The following HDAC9 variants were observed in gnomAD, a reference collection of about 807,000 sequenced individuals.
The protein encoded by HDAC9 is histone deacetylase 9.
A neutral mutation model predicts 139.4 loss-of-function variants in HDAC9; 41 were observed. The observed-to-expected ratio is 0.29, with a 90% CI of 0.23 to 0.38. The LOEUF (loss-of-function observed/expected upper bound fraction) is 0.38. HDAC9 is among the 10% of genes least tolerant of loss of function. HDAC9 has a pLI of 1.00. For synonymous variants in HDAC9, 517 were observed against 476.2 expected, an observed-to-expected ratio of 1.09 and a Z score of -1.12; for missense variants, 1,147 against 1,297.0, an observed-to-expected ratio of 0.88 and a Z score of 1.78.
At chr7:18,238,872 G>C (rs549506764) in intron 2 of HDAC9, among the ~76,000 whole-genome samples, 3 of 152,306 alleles carry the variant, frequency 2.0e-5, no homozygotes, top group East Asian at 3.9e-4. Context: ...ATCTATTAGG[G>C]AGGTGTGGAA....
Position 18,742,665 on chromosome 7 carries a change from T to TC in HDAC9, c.1910-6339dup, listed in dbSNP as rs148606035. 2.9e-3 allele frequency among the ~76,000 whole-genome samples: 438 copies of TC among 152,304 alleles called. 4 individuals carry two copies. Among genetic ancestry groups the TC allele is most frequent in the African/African-American group, 1.0e-2 (414 of 41,578 alleles). Reference sequence around the variant, plus strand: ...ACTTTTTATTTGGTTATTTTTTTTTTCTGACCACTGTATTTTCATCTTATT... The same window carrying TC: ...ACTTTTTATTTGGTTATTTTTTTTTTCCTGACCACTGTATTTTCATCTTATT... On this transcript the variant is annotated intron_variant, in intron 13 of 25. Transcript: ENST00000686413.
At chr7:18,656,051 T>TTA (rs1361900419) in intron 11 of HDAC9, among the ~76,000 whole-genome samples, 1 of 151,910 alleles carries the variant, frequency 6.6e-6, no homozygotes, top group African/African-American at 2.4e-5. Flanking sequence ...CAGTCTCTTT[T>TTA]TTTTTTTTTT....
intron 14 of HDAC9, among the ~76,000 whole-genome samples, chr7:18,755,958 A>G (rs977440709): frequency 6.6e-6 from 1 of 152,154 alleles, no homozygotes; most frequent in Non-Finnish European, 1.5e-5. Context: ...AGTGTTGGTC[A>G]GTACAGTGTC....
At chr7:18,131,660 T>C (rs917022531) in intron 1 of HDAC9, among the ~76,000 whole-genome samples, 1 of 152,114 alleles carries the variant, frequency 6.6e-6, no homozygotes, top group African/African-American at 2.4e-5. Flanking sequence ...TTGGTCATTG[T>C]CACTACTCCC....
intron 2 of HDAC9, among the ~76,000 whole-genome samples, chr7:18,260,010 C>T (rs1273125004): frequency 6.6e-6 from 1 of 152,224 alleles, no homozygotes; most frequent in South Asian, 2.1e-4. Flanking sequence ...TAGTATGAGC[C>T]TTTTAGAGAG....
At chr7:18,408,862 T>C (rs183053645) in intron 1 of HDAC9, among the ~76,000 whole-genome samples, 44 of 152,250 alleles carry the variant, frequency 2.9e-4, no homozygotes, top group African/African-American at 9.1e-4. Context: ...ATGCAACAAA[T>C]GACACAGATC....
intron 1 of HDAC9, among the ~76,000 whole-genome samples, chr7:18,371,783 A>G (rs1179137935): frequency 6.6e-6 from 1 of 152,130 alleles, no homozygotes; most frequent in African/African-American, 2.4e-5. Flanking sequence ...ATTTCCACTG[A>G]TATGATGCTG....
chr7:18,195,541 T>A (rs1790664920), intron 2 of HDAC9, among the ~76,000 whole-genome samples: 1 of 152,194 alleles, frequency 6.6e-6, no homozygotes, highest in South Asian at 2.1e-4. Flanking sequence ...GAAAAATCTT[T>A]TGTTCTTTAG....
At chr7:18,754,405 A>G (rs767933508) in intron 14 of HDAC9, among the ~76,000 whole-genome samples, 25 of 152,048 alleles carry the variant, frequency 1.6e-4, no homozygotes, top group Non-Finnish European at 3.4e-4. Context: ...TCTGTTAGAA[A>G]TGCACTTGCA....
intron 2 of HDAC9, among the ~76,000 whole-genome samples, chr7:18,537,715 G>A (rs1367692985): frequency 6.6e-6 from 1 of 152,090 alleles, no homozygotes; most frequent in Non-Finnish European, 1.5e-5. Flanking sequence ...GTATATGGAG[G>A]GAATACTGGT....
At chr7:18,453,413 A>C (rs1793063755) in intron 1 of HDAC9, among the ~76,000 whole-genome samples, 1 of 152,216 alleles carries the variant, frequency 6.6e-6, no homozygotes, top group Non-Finnish European at 1.5e-5. Context: ...CAAGCACATA[A>C]TAGCCTAAGA....
intron 2 of HDAC9, among the ~76,000 whole-genome samples, chr7:18,540,998 G>A (rs1812640911): frequency 6.6e-6 from 1 of 152,102 alleles, no homozygotes; most frequent in Admixed American, 6.5e-5. Context: ...CAGCCAGTAA[G>A]TAAGAAAGCC....
At chr7:18,338,657 C>G (rs1781765837) in intron 1 of HDAC9, among the ~76,000 whole-genome samples, 1 of 151,380 alleles carries the variant, frequency 6.6e-6, no homozygotes. Context: ...CCTACTTGGT[C>G]AAGGTATATA....
intron 1 of HDAC9, among the ~76,000 whole-genome samples, chr7:18,137,045 T>C (rs1785474671): frequency 7.0e-6 from 1 of 142,992 alleles, no homozygotes; most frequent in East Asian, 2.0e-4. Flanking sequence ...GATTCCTAGG[T>C]ATTTTATTCT....
intron 1 of HDAC9, among the ~76,000 whole-genome samples, chr7:18,118,321 A>G (rs747332239): frequency 3.9e-5 from 6 of 152,208 alleles, no homozygotes; most frequent in Non-Finnish European, 7.3e-5. Flanking sequence ...GAAATATAGC[A>G]GATCCCTAAC....
intron 1 of HDAC9, among the ~76,000 whole-genome samples, chr7:18,420,190 C>T (rs1405017427): frequency 6.6e-6 from 1 of 152,110 alleles, no homozygotes; most frequent in Non-Finnish European, 1.5e-5. Context: ...TTGGGACAAG[C>T]GTACTATCTG....
chr7:18,971,057 G>GCC (rs905681349), intron 24 of HDAC9, among the ~76,000 whole-genome samples: 6 of 152,152 alleles, frequency 3.9e-5, no homozygotes, highest in Non-Finnish European at 7.4e-5. Context: ...CCTGCAGGAT[G>GCC]CCCTCTCCTG....
intron 22 of HDAC9, among the ~76,000 whole-genome samples, chr7:18,878,359 T>C (rs546392722): frequency 1.4e-4 from 21 of 152,208 alleles, no homozygotes; most frequent in Non-Finnish European, 2.5e-4. Context: ...TCCTTTGGAA[T>C]TATGCAAAAT....
intron 2 of HDAC9, among the ~76,000 whole-genome samples, chr7:18,229,504 C>T (rs1350745676): frequency 6.6e-6 from 1 of 152,164 alleles, no homozygotes; most frequent in Non-Finnish European, 1.5e-5. Flanking sequence ...GCCTCTAGTG[C>T]TATTACAATG....
Sources: gnomAD v4.1 joint callset for allele counts (sites outside exome capture counted in the v4.1 genomes callset) on GRCh38, gnomAD v4.1.1 for gene constraint, MANE v1.5 for transcripts, NCBI Gene and HGNC (gene_info 2026-07-23, HGNC 2026-07-21) for gene names.